Variants in FREM2 observed in about 807,000 individuals in gnomAD.
The protein encoded by FREM2 is FRAS1-related extracellular matrix protein 2.
FREM2 carries 119 observed loss-of-function variants against 219.9 expected under a neutral mutation model. The ratio of observed to expected loss-of-function variants is 0.54; its 90% confidence interval spans 0.47 to 0.63. FREM2 has a LOEUF of 0.63. Ranked by LOEUF, FREM2 falls within the 30% of genes least tolerant of loss-of-function variation. The pLI is 0.00. For missense variants in FREM2, 4,030 were observed against 3,993.6 expected (o/e 1.01, Z -0.25); for synonymous variants, 1,562 against 1,522.8 (o/e 1.03, Z -0.60).
At chr13:38,743,963 C>T (rs1354563635) in intron 2 of FREM2, among the ~76,000 whole-genome samples, 2 of 151,880 alleles carry the variant, frequency 1.3e-5, no homozygotes, top group South Asian at 4.2e-4. Context: ...GAAATAATTA[C>T]AGGTAAATAT....
intron 2 of FREM2, among the ~76,000 whole-genome samples, chr13:38,745,968 T>C (rs1006203772): frequency 4.6e-5 from 7 of 152,250 alleles, no homozygotes; most frequent in Non-Finnish European, 8.8e-5. Context: ...TTCTAGTTCA[T>C]GTAATTTCTC....
At position 38,877,296 on chromosome 13, in the gene FREM2, G is replaced by A. The variant is rs73466055; in HGVS notation, c.8671+53G>A. 4,152 of 1,603,948 alleles carry A rather than the reference G, an allele frequency of 2.6e-3. 108 individuals are homozygous for A. The African/African-American group carries it at 0.049, about 19-fold the overall frequency. ...TCTGTTTGTCATGTATATCTTTTGT[G>A]CTTTGCTTTTTGGGGATTGTGTTTG... On this transcript the variant is annotated intron_variant, in intron 21 of 23. Coordinates refer to ENST00000280481, the MANE Select transcript of FREM2 (RefSeq NM_207361.6).
intron 2 of FREM2, among the ~76,000 whole-genome samples, chr13:38,701,846 A>G (rs998880847): frequency 6.6e-6 from 1 of 152,084 alleles, no homozygotes; most frequent in Non-Finnish European, 1.5e-5. Context: ...AAAAATTTAT[A>G]TTATGATTAT....
chr13:38,744,850 C>G (rs1041688503), intron 2 of FREM2, among the ~76,000 whole-genome samples: 1 of 152,222 alleles, frequency 6.6e-6, no homozygotes, highest in Non-Finnish European at 1.5e-5. Flanking sequence ...GTACCACTTT[C>G]CTACCCAGGC....
rs574051681 is a variant in FREM2, at chr13:38,710,201, C to A, written c.5263+12414C>A. On this transcript the variant is annotated intron_variant, in intron 2 of 23. Coordinates refer to ENST00000280481, the MANE Select transcript of FREM2 (RefSeq NM_207361.6). The stretch of plus-strand genomic sequence containing the variant: ...AGACTCTGTCACGAAACAACAACAA[C>A]AAAAAAACACAAAAAACATCAATGA... Among the ~76,000 whole-genome samples, 123 of 151,750 alleles carry A rather than the reference C, an allele frequency of 8.1e-4. 1 individual carries two copies. The highest frequency in any genetic ancestry group is 2.8e-3 in the African/African-American group (114 of 41,420).
intron 3 of FREM2, among the ~76,000 whole-genome samples, chr13:38,764,973 T>G (rs1244881858): frequency 6.6e-6 from 1 of 152,180 alleles, no homozygotes; most frequent in Admixed American, 6.5e-5. Context: ...TGCAGTGGCG[T>G]GATCTCAGCT....
At chr13:38,726,745 C>T (rs934553117) in intron 2 of FREM2, among the ~76,000 whole-genome samples, 1 of 152,182 alleles carries the variant, frequency 6.6e-6, no homozygotes, top group Non-Finnish European at 1.5e-5. Flanking sequence ...CTGTTGTCTT[C>T]CCAACCCGGT....
chr13:38,825,265 C>T (rs1016637412), intron 6 of FREM2, among the ~76,000 whole-genome samples: 3 of 152,132 alleles, frequency 2.0e-5, no homozygotes, highest in Non-Finnish European at 2.9e-5. Flanking sequence ...CAGTATGGAG[C>T]ACAGTGCCTG....
intron 2 of FREM2, among the ~76,000 whole-genome samples, chr13:38,719,611 C>T (rs1871145243): frequency 6.6e-6 from 1 of 152,170 alleles, no homozygotes; most frequent in Non-Finnish European, 1.5e-5. Context: ...TGGGCTCACC[C>T]AGACAATCTA....
chr13:38,691,051 G>T lies in FREM2; in HGVS notation c.3707G>T (p.Gly1236Val), dbSNP rs1312639354. The stretch of plus-strand genomic sequence containing the variant: ...ACTATTACCCAATTCCCCACTCATG[G>T]TCACATCATGAATCAGCTGATAAAT... Reference protein sequence around the residue: ...TFTITQFPTHGHIMNQLINGT... With the variant: ...TFTITQFPTHVHIMNQLINGT... Residue 1236 changes from glycine to valine, a missense_variant, in exon 1 of 24, where the codon GGT becomes GTT. This residue lies in a region of FREM2 where 3,102 missense variants were observed against 2,950.7 expected (regional missense o/e 1.05). Transcript: ENST00000280481. 2 of 1,614,038 alleles carry T rather than the reference G, an allele frequency of 1.2e-6. No individual in the cohort carries two copies. The highest frequency in any genetic ancestry group is 1.7e-6 in the Non-Finnish European group (2 of 1,179,998).
At chr13:38,729,100 T>G (rs934787977) in intron 2 of FREM2, among the ~76,000 whole-genome samples, 1 of 152,132 alleles carries the variant, frequency 6.6e-6, no homozygotes. Flanking sequence ...CTCCTATCCT[T>G]CTCTTAGAGA....
intron 2 of FREM2, among the ~76,000 whole-genome samples, chr13:38,738,236 G>A (rs775570429): frequency 6.6e-6 from 1 of 152,080 alleles, no homozygotes; most frequent in Non-Finnish European, 1.5e-5. Context: ...AATTTCAGGT[G>A]CTGGCGAGAC....
At chr13:38,742,056 C>A (rs1345696613) in intron 2 of FREM2, among the ~76,000 whole-genome samples, 2 of 152,138 alleles carry the variant, frequency 1.3e-5, no homozygotes, top group Non-Finnish European at 2.9e-5. Flanking sequence ...ATCTAAATTA[C>A]AATAATAATT....
intron 6 of FREM2, among the ~76,000 whole-genome samples, chr13:38,839,176 A>C (rs369135804): frequency 1.2e-3 from 185 of 152,176 alleles, no homozygotes; most frequent in African/African-American, 4.3e-3. Context: ...TGTTGATGCT[A>C]TTCCTTTCTG....
chr13:38,821,936 C>T (rs1593428088), intron 6 of FREM2: 2 of 152,090 alleles, frequency 1.3e-5, no homozygotes, highest in Non-Finnish European at 2.9e-5. Context: ...CTCTTCCACA[C>T]AAAGAATGGA....
intron 3 of FREM2, among the ~76,000 whole-genome samples, chr13:38,768,289 A>AT (rs1397513970): frequency 1.3e-5 from 2 of 151,954 alleles, no homozygotes; most frequent in Non-Finnish European, 2.9e-5. Context: ...GCATTTATGT[A>AT]TTTTTAATTT....
At chr13:38,807,507 A>AC (rs1555268839) in intron 6 of FREM2, among the ~76,000 whole-genome samples, 3 of 151,546 alleles carry the variant, frequency 2.0e-5, no homozygotes, top group Non-Finnish European at 2.9e-5. Context: ...TACAAAATGT[A>AC]TTTTTTAAAT....
intron 6 of FREM2, among the ~76,000 whole-genome samples, chr13:38,845,558 C>T (rs1476516887): frequency 6.6e-6 from 1 of 152,132 alleles, no homozygotes; most frequent in Non-Finnish European, 1.5e-5. Flanking sequence ...TATCATTAAC[C>T]TTTATTCTGG....
At position 38,770,873 on chromosome 13, in the gene FREM2, A is replaced by AT. The variant is rs548712699; in HGVS notation, c.5641+1065_5641+1066insT. On this transcript the variant is annotated intron_variant, in intron 4 of 23. Transcript: ENST00000280481. Reference sequence around the variant, plus strand: ...CAGAAAGTTTTAAAAAGAAAAAAAAAGAAAAAGAAAAAAGATTGAATAGCT... The same window carrying AT: ...CAGAAAGTTTTAAAAAGAAAAAAAAATGAAAAAGAAAAAAGATTGAATAGCT... Among the ~76,000 whole-genome samples, 3 of 152,194 alleles carry AT rather than the reference A, an allele frequency of 2.0e-5. No homozygotes were observed. In the South Asian group the frequency reaches 6.2e-4, roughly 31 times the overall value.
Sources: allele counts gnomAD v4.1 joint callset (sites outside exome capture counted in the v4.1 genomes callset), GRCh38; gene constraint gnomAD v4.1.1; regional missense constraint gnomAD v4.1.1; transcripts MANE v1.5; gene names NCBI Gene and HGNC (gene_info 2026-07-23, HGNC 2026-07-21).